CEP41: variants seen among roughly 807,000 people sequenced by gnomAD.
The protein encoded by CEP41 is centrosomal protein 41.
In CEP41, 32 loss-of-function variants were observed where a neutral mutation model predicts 44.3. That is an observed-to-expected ratio of 0.72 (90% CI 0.54 to 0.97). CEP41 has a LOEUF of 0.97. Among genes scored for constraint, CEP41 ranks in the 50% least tolerant of loss-of-function variants. The pLI is 0.00. For synonymous variants in CEP41, 151 were observed against 168.5 expected (o/e 0.90, Z 0.80); for missense variants, 432 against 455.2 (o/e 0.95, Z 0.46).
Position 130,395,014 on chromosome 7 carries a change from G to A in CEP41, c.*3877C>T. 1 of 454,070 alleles carries A rather than the reference G, an allele frequency of 2.2e-6. No individual in the cohort carries two copies. The highest frequency in any genetic ancestry group is 4.4e-6 in the Non-Finnish European group (1 of 226,790). The allele number at this position is 454,070 out of a possible 1,614,324, so 28.1% of individuals were successfully genotyped here. ...GCAACAGAGAGGGGAGCCATCAGGG[G>A]ATCACAATGTGACAGACACCGTTTC... On this transcript the variant is annotated 3_prime_UTR_variant, in exon 11 of 11. Coordinates refer to ENST00000223208, the MANE Select transcript of CEP41 (RefSeq NM_018718.3).
chr7:130,410,928 A>T (rs530431403), intron 5 of CEP41, 194 bp downstream of exon 5: 73 of 641,392 alleles, frequency 1.1e-4, no homozygotes, highest in African/African-American at 1.1e-3. Context: ...TTAGAGTCAG[A>T]AAACCAGATG....
chr7:130,397,694 T>C lies in CEP41; in HGVS notation c.*1197A>G. ...CAGCTACGATCACAGACCATAAAAA[T>C]TAACACCGCTCTTTTCCATCTGATT... On this transcript the variant is annotated 3_prime_UTR_variant, in exon 11 of 11. Coordinates refer to ENST00000223208, the MANE Select transcript of CEP41 (RefSeq NM_018718.3). The C allele has an allele frequency of 2.2e-6, 1 of 454,334 alleles. No individual in the cohort carries two copies. Among genetic ancestry groups the C allele is most frequent in the Admixed American group, 2.3e-5 (1 of 42,562 alleles). 28.1% of individuals were successfully genotyped at this position (454,334 alleles called of 1,614,324 possible).
rs1375533542 is a variant in CEP41 at position 130,396,592 on chromosome 7, T to C, written c.*2299A>G. 1 of 454,438 alleles carries C rather than the reference T, an allele frequency of 2.2e-6. No individual in the cohort carries two copies. Among genetic ancestry groups the C allele is most frequent in the Non-Finnish European group, 4.4e-6 (1 of 226,804 alleles). 28.2% of individuals were successfully genotyped at this position (454,438 alleles called of 1,614,324 possible). On this transcript the variant is annotated 3_prime_UTR_variant, in exon 11 of 11. Coordinates refer to ENST00000223208, the MANE Select transcript of CEP41 (RefSeq NM_018718.3). ...TAATTGCACAAAGCATCACTGGTCA[T>C]TTAAATAATACATGTCAATTAATCT...
chr7:130,402,725 T>C lies in CEP41; in HGVS notation c.497A>G (p.Lys166Arg). The C allele has an allele frequency of 6.2e-7, 1 of 1,614,120 alleles. No homozygotes were observed. ...VKKAEPHTKD[K>R]PYPDCPFLLL... ...CAGGAAGGGGCAGTCAGGATAAGGT[T>C]TGTCTTTGGTATGGGGCTCTGCTTT... The change falls in exon 7 of 11, where the codon AAA (lysine) becomes AGA (arginine). Residue 166 changes from lysine (K) to arginine (R), a missense_variant. Transcript: ENST00000223208.
rs1554415079 is a variant in CEP41 at position 130,397,255 on chromosome 7, A to C, written c.*1636T>G. The C allele has an allele frequency of 8.8e-6, 4 of 454,388 alleles. No homozygotes were observed. Among genetic ancestry groups the C allele is most frequent in the South Asian group, 6.2e-5 (4 of 64,480 alleles). The allele number at this position is 454,388 out of a possible 1,614,324, so 28.1% of individuals were successfully genotyped here. On this transcript the variant is annotated 3_prime_UTR_variant, in exon 11 of 11. Coordinates refer to ENST00000223208, the MANE Select transcript of CEP41 (RefSeq NM_018718.3). ...TTAAAGCTATGTGTACGTTGGCTGA[A>C]TTTTATACAAGATTCTTGAATCTTG...
At chr7:130,410,879 G>A (rs1227086580) in intron 5 of CEP41, 18 of 572,170 alleles carry the variant, frequency 3.1e-5, no homozygotes, top group Non-Finnish European at 5.3e-5. Context: ...AAAGTAATTA[G>A]TATATTAAAC....
intron 3 of CEP41, among the ~76,000 whole-genome samples, chr7:130,414,169 G>A (rs1422710875): frequency 2.0e-5 from 3 of 152,154 alleles, no homozygotes; most frequent in African/African-American, 7.2e-5. Context: ...AAACTTCTCT[G>A]TTCTAAAATG....
rs1554414760 is a variant in CEP41, at chr7:130,396,753, C to G, written c.*2138G>C. ...CATGGTTATTTAAAATCCTTACCAA[C>G]AGGGCAAAGCAAGCACTGTGGAGAA... On this transcript the variant is annotated 3_prime_UTR_variant, in exon 11 of 11. Transcript: ENST00000223208. 2.2e-6 allele frequency: 1 copy of G among 454,304 alleles called. No homozygotes were observed. The highest frequency in any genetic ancestry group is 1.6e-5 in the South Asian group (1 of 64,476). 28.1% of individuals were successfully genotyped at this position (454,304 alleles called of 1,614,324 possible).
intron 2 of CEP41, chr7:130,426,809 C>T (rs1554423674): frequency 2.8e-6 from 1 of 354,930 alleles, no homozygotes; most frequent in East Asian, 9.6e-5. Context: ...TATTGACTTC[C>T]TCATCCTGTA....
chr7:130,422,073 A>AC, intron 2 of CEP41: 1 of 1,526,122 alleles, frequency 6.6e-7, no homozygotes, highest in Admixed American at 2.0e-5. Context: ...GGCTGCACTC[A>AC]GTGTTTGAGT....
At position 130,395,061 on chromosome 7, in the gene CEP41, C is replaced by T. The variant is rs1382888231; in HGVS notation, c.*3830G>A. ...TTTCGAAAACACATAAAATCATGCA[C>T]CGAATCCTGTTCTGCCTGAATTCAA... On this transcript the variant is annotated 3_prime_UTR_variant, in exon 11 of 11. Transcript: ENST00000223208. 4.4e-6 allele frequency: 2 copies of T among 453,946 alleles called. No individual in the cohort carries two copies. Among genetic ancestry groups the T allele is most frequent in the African/African-American group, 4.0e-5 (2 of 49,968 alleles). The allele number at this position is 453,946 out of a possible 1,614,324, so 28.1% of individuals were successfully genotyped here. A position where few individuals can be genotyped will look rare whatever the true frequency, so the allele number is the denominator to read the frequency against.
intron 5 of CEP41, among the ~76,000 whole-genome samples, chr7:130,407,963 C>T (rs932123487): frequency 2.0e-5 from 3 of 151,972 alleles, no homozygotes; most frequent in Non-Finnish European, 4.4e-5. Context: ...AAAATTAGCT[C>T]TTTAATATAA....
Position 130,398,218 on chromosome 7 carries a change from G to A in CEP41, c.*673C>T. On this transcript the variant is annotated 3_prime_UTR_variant, in exon 11 of 11. Transcript: ENST00000223208. Reference sequence around the variant, plus strand: ...AAGACACCCACATGCATACCTTTCTGGCTCCAGGAAATATCTAGTAAGGGG... The same window carrying A: ...AAGACACCCACATGCATACCTTTCTAGCTCCAGGAAATATCTAGTAAGGGG... 1 of 454,064 alleles carries A rather than the reference G, an allele frequency of 2.2e-6. No homozygotes were observed. The highest frequency in any genetic ancestry group is 6.9e-5 in the East Asian group (1 of 14,398). The allele number at this position is 454,064 out of a possible 1,614,324, so 28.1% of individuals were successfully genotyped here.
At chr7:130,406,186 C>T (rs945337731) in intron 5 of CEP41, among the ~76,000 whole-genome samples, 1 of 152,038 alleles carries the variant, frequency 6.6e-6, no homozygotes, top group African/African-American at 2.4e-5. Flanking sequence ...AGCACATAAA[C>T]CAAAGCTCTT....
Position 130,398,515 on chromosome 7 carries a change from T to A in CEP41, c.*376A>T, listed in dbSNP as rs1554415860. On this transcript the variant is annotated 3_prime_UTR_variant, in exon 11 of 11. Transcript: ENST00000223208. ...TGGCAGGGACAGGCACACGGGCAGATGTGACTGAAGTATTTACAAAACAAC... is the reference window on the plus strand; with the variant it reads ...TGGCAGGGACAGGCACACGGGCAGAAGTGACTGAAGTATTTACAAAACAAC... 2.2e-6 allele frequency: 1 copy of A among 458,938 alleles called. No individual in the cohort carries two copies. Among genetic ancestry groups the A allele is most frequent in the Non-Finnish European group, 4.3e-6 (1 of 230,010 alleles). 28.4% of individuals were successfully genotyped at this position (458,938 alleles called of 1,614,324 possible). A position where few individuals can be genotyped will look rare whatever the true frequency, so the allele number is the denominator to read the frequency against.
At chr7:130,433,039 C>T (rs1208349458) in intron 1 of CEP41, among the ~76,000 whole-genome samples, 1 of 152,098 alleles carries the variant, frequency 6.6e-6, no homozygotes, top group East Asian at 1.9e-4. Context: ...GAGTGGCCAA[C>T]AGTGAACAAT....
At chr7:130,401,753 C>A (rs1271928598) in intron 8 of CEP41, 128 bp downstream of exon 8, 25 of 671,552 alleles carry the variant, frequency 3.7e-5, no homozygotes, top group Non-Finnish European at 4.6e-5. Context: ...AATCCAAATT[C>A]TAAAATATGC....
At chr7:130,401,717 AGT>A in intron 8 of CEP41, among the ~76,000 whole-genome samples, 162 bp downstream of exon 8, 1 of 152,204 alleles carries the variant, frequency 6.6e-6, no homozygotes, top group African/African-American at 2.4e-5. Context: ...CCGCCTAAAG[AGT>A]CAGGATTCTT....
Position 130,398,900 on chromosome 7 carries a change from G to A in CEP41, c.1113C>T (p.Pro371=), listed in dbSNP as rs370232829. ...SLSSGHLQGK[P]WK is the part of the protein sequence containing the mutation. ...AAGTGAGACAAAGTCTTTACTTCCA[G>A]GGTTTGCCTTGCAGGTGACCACTGC... Residue 371 remains proline (P), a synonymous_variant, in exon 11 of 11, where the codon CCC becomes CCT. Transcript: ENST00000223208. The A allele has an allele frequency of 1.9e-6, 3 of 1,614,134 alleles. No individual in the cohort carries two copies. Among genetic ancestry groups the A allele is most frequent in the African/African-American group, 2.7e-5 (2 of 74,948 alleles).
Sources: gnomAD v4.1 joint callset for allele counts (sites outside exome capture counted in the v4.1 genomes callset) on GRCh38, gnomAD v4.1.1 for gene constraint, MANE v1.5 for transcripts, NCBI Gene and HGNC (gene_info 2026-07-23, HGNC 2026-07-21) for gene names.